SNTG2: variants seen among roughly 807,000 people sequenced by gnomAD.
The protein encoded by SNTG2 is gamma-2-syntrophin.
Under a neutral mutation model 70.9 loss-of-function variants are expected in SNTG2, and 74 were observed. That is an observed-to-expected ratio of 1.04 (90% CI 0.86 to 1.27). The LOEUF is 1.27. Ranked by LOEUF, SNTG2 falls within the 50% of genes most tolerant of loss-of-function variation. The pLI, the probability that SNTG2 is intolerant of heterozygous loss-of-function variation, is 0.00. For missense variants in SNTG2, 717 were observed against 690.7 expected, an observed-to-expected ratio of 1.04 and a Z score of -0.43; for synonymous variants, 278 against 273.8, an observed-to-expected ratio of 1.02 and a Z score of -0.15.
chr2:1,052,105 CCTT>C (rs908597979), intron 1 of SNTG2, among the ~76,000 whole-genome samples: 6 of 150,924 alleles, frequency 4.0e-5, no homozygotes, highest in East Asian at 1.9e-4. Flanking sequence ...TTTATTATAA[CCTT>C]CTTGTTAGGT....
intron 14 of SNTG2, among the ~76,000 whole-genome samples, chr2:1,301,021 G>A (rs1572944767): frequency 6.6e-6 from 1 of 152,160 alleles, no homozygotes; most frequent in Admixed American, 6.5e-5. Context: ...CTGACTGTGT[G>A]CGAGAGGAAA....
chr2:1,334,198 A>G (rs1208258795), intron 16 of SNTG2, among the ~76,000 whole-genome samples: 3 of 152,228 alleles, frequency 2.0e-5, no homozygotes, highest in Non-Finnish European at 2.9e-5. Context: ...AAAAATGCTC[A>G]ACATCAGTAA....
intron 16 of SNTG2, among the ~76,000 whole-genome samples, chr2:1,342,118 A>C (rs1293546657): frequency 1.3e-5 from 2 of 152,350 alleles, no homozygotes; most frequent in East Asian, 1.9e-4. Flanking sequence ...TGAGGACCTA[A>C]TTAATGCAAA....
intron 16 of SNTG2, among the ~76,000 whole-genome samples, chr2:1,324,511 T>C (rs933376393): frequency 3.3e-5 from 5 of 152,182 alleles, no homozygotes; most frequent in Admixed American, 6.5e-5. Flanking sequence ...TGAATAAAAT[T>C]AAATTTAGGT....
At chr2:1,069,201 C>T (rs965972259) in intron 1 of SNTG2, among the ~76,000 whole-genome samples, 3 of 152,144 alleles carry the variant, frequency 2.0e-5, no homozygotes, top group Non-Finnish European at 4.4e-5. Context: ...ACACGAAAAT[C>T]GTGTCTGAAA....
At chr2:1,223,528 C>T (rs1675510110) in intron 9 of SNTG2, among the ~76,000 whole-genome samples, 1 of 152,230 alleles carries the variant, frequency 6.6e-6, no homozygotes, top group Admixed American at 6.5e-5. Flanking sequence ...ACAGCTGTGG[C>T]CAGAGTCATT....
chr2:1,170,640 G>A (rs28475077), intron 7 of SNTG2, among the ~76,000 whole-genome samples: 3,346 of 152,170 alleles, frequency 0.022, 116 homozygotes, highest in African/African-American at 0.075. Flanking sequence ...CCAATGTCGC[G>A]GGCATCGGTG....
At chr2:1,127,537 C>T (rs1667776003) in intron 4 of SNTG2, among the ~76,000 whole-genome samples, 4 of 152,146 alleles carry the variant, frequency 2.6e-5, no homozygotes, top group Admixed American at 2.6e-4. Flanking sequence ...TTTTAGATCG[C>T]TTTGGGGAGT....
intron 1 of SNTG2, among the ~76,000 whole-genome samples, chr2:1,043,537 TTA>T (rs1369655858): frequency 1.3e-5 from 2 of 152,134 alleles, no homozygotes; most frequent in African/African-American, 4.8e-5. Context: ...TCTAGGATTT[TTA>T]TAGTTTTTTT....
At chr2:1,060,819 A>G (rs937662715) in intron 1 of SNTG2, among the ~76,000 whole-genome samples, 5 of 152,248 alleles carry the variant, frequency 3.3e-5, no homozygotes, top group African/African-American at 7.2e-5. Context: ...AAAAGCTATC[A>G]ATGGATTTAA....
intron 16 of SNTG2, among the ~76,000 whole-genome samples, chr2:1,319,933 A>G (rs937455405): frequency 2.0e-5 from 3 of 152,202 alleles, no homozygotes; most frequent in Non-Finnish European, 4.4e-5. Context: ...GCTATTGCAA[A>G]TCTTGGATGT....
At chr2:991,874 T>C (rs56078876) in intron 1 of SNTG2, among the ~76,000 whole-genome samples, 13,220 of 152,218 alleles carry the variant, frequency 0.087, 760 homozygotes, top group South Asian at 0.21. Flanking sequence ...TAAGCTTAAA[T>C]CTGGGAGAGG....
At chr2:1,074,902 C>T (rs567233485) in intron 1 of SNTG2, among the ~76,000 whole-genome samples, 9 of 152,300 alleles carry the variant, frequency 5.9e-5, no homozygotes, top group Non-Finnish European at 1.0e-4. Flanking sequence ...ATTCACATGG[C>T]ACTGTGAAGT....
intron 1 of SNTG2, among the ~76,000 whole-genome samples, chr2:1,053,301 T>C (rs776891503): frequency 7.0e-6 from 1 of 143,818 alleles, no homozygotes; most frequent in Non-Finnish European, 1.5e-5. Context: ...ATTCTAGAAA[T>C]GCATTAAAAG....
At chr2:1,182,483 G>A (rs1671982192) in intron 8 of SNTG2, among the ~76,000 whole-genome samples, 1 of 151,794 alleles carries the variant, frequency 6.6e-6, no homozygotes, top group African/African-American at 2.4e-5. Flanking sequence ...TAGAACAGAT[G>A]AGAAACTTGT....
At chr2:1,228,070 C>G (rs1471227387) in intron 9 of SNTG2, among the ~76,000 whole-genome samples, 1 of 152,186 alleles carries the variant, frequency 6.6e-6, no homozygotes, top group Non-Finnish European at 1.5e-5. Flanking sequence ...GAGTGCTGCA[C>G]TGTGTGGACT....
intron 16 of SNTG2, among the ~76,000 whole-genome samples, chr2:1,361,762 T>C (rs113607264): frequency 7.3e-4 from 56 of 76,984 alleles, no homozygotes; most frequent in South Asian, 1.9e-3. Flanking sequence ...AGGTCACCGA[T>C]GCTGAGCATT....
intron 9 of SNTG2, among the ~76,000 whole-genome samples, chr2:1,229,236 G>A (rs529824947): frequency 6.6e-6 from 1 of 152,282 alleles, no homozygotes; most frequent in East Asian, 1.9e-4. Flanking sequence ...CTAGTGGTCT[G>A]TTTTGACAGG....
At chr2:1,060,557 T>C (rs1302300826) in intron 1 of SNTG2, among the ~76,000 whole-genome samples, 3 of 152,166 alleles carry the variant, frequency 2.0e-5, no homozygotes, top group Non-Finnish European at 2.9e-5. Flanking sequence ...GGCTCCAGCA[T>C]TGTGTTAAGT....
Sources: gnomAD v4.1 joint callset for allele counts (sites outside exome capture counted in the v4.1 genomes callset) on GRCh38, gnomAD v4.1.1 for gene constraint, MANE v1.5 for transcripts, NCBI Gene and HGNC (gene_info 2026-07-23, HGNC 2026-07-21) for gene names.